Variants in MCM5 observed in about 807,000 individuals in gnomAD.
MCM5 encodes DNA replication licensing factor MCM5.
A neutral mutation model predicts 79.9 loss-of-function variants in MCM5; 46 were observed. The observed-to-expected ratio is 0.58, with a 90% CI of 0.45 to 0.74. The LOEUF (loss-of-function observed/expected upper bound fraction) is 0.74. Ranked by LOEUF, MCM5 falls within the 30% of genes least tolerant of loss-of-function variation. The probability of loss-of-function intolerance (pLI) is 0.00; values close to 1 mark genes in which losing one functional copy is unlikely to be tolerated. For missense variants in MCM5, 883 were observed against 1,017.0 expected, an observed-to-expected ratio of 0.87 and a Z score of 1.79; for synonymous variants, 404 against 390.5, an observed-to-expected ratio of 1.03 and a Z score of -0.41.
At chr22:35,445,817 T>C in the MCM5 span, among the ~76,000 whole-genome samples, 1 of 152,190 alleles carries the variant, frequency 6.6e-6, no homozygotes, top group Non-Finnish European at 1.5e-5. Flanking sequence ...GGCCCTGCAT[T>C]TGACTATGCT....
intron 4 of MCM5, among the ~76,000 whole-genome samples, chr22:35,405,375 C>CT (rs981457457): frequency 2.1e-4 from 31 of 148,742 alleles, no homozygotes; most frequent in South Asian, 8.6e-4. Flanking sequence ...AGATGAATCT[C>CT]TTTTTTTTTG....
chr22:35,427,286 A>G (rs1454157208), downstream of MCM5, among the ~76,000 whole-genome samples: 1 of 152,220 alleles, frequency 6.6e-6, no homozygotes, highest in Non-Finnish European at 1.5e-5. Context: ...CATACTTCAA[A>G]TATGTTATTT....
At chr22:35,452,447 G>A in the MCM5 span, among the ~76,000 whole-genome samples, 396 of 152,344 alleles carry the variant, frequency 2.6e-3, 8 homozygotes, top group African/African-American at 9.3e-3. Context: ...GCATGGAGCC[G>A]GGCAGGTGCC....
the MCM5 span, among the ~76,000 whole-genome samples, chr22:35,438,250 TCCACCCAC>T: frequency 4.4e-3 from 411 of 94,046 alleles, 12 homozygotes; most frequent in Non-Finnish European, 7.3e-3. Flanking sequence ...CACATATTCA[TCCACCCAC>T]CCACCCACCC....
intron 8 of MCM5, among the ~76,000 whole-genome samples, 183 bp downstream of exon 8, chr22:35,412,864 G>A (rs1414569702): frequency 1.3e-5 from 2 of 151,032 alleles, no homozygotes; most frequent in East Asian, 1.9e-4. Context: ...CTGCGCACCT[G>A]TCTCAGCGAT....
At position 35,412,633 on chromosome 22, in the gene MCM5, A is replaced by T. The variant is rs759399183; in HGVS notation, c.1043A>T (p.Asp348Val). The change falls in exon 8 of 17, where the codon GAC becomes GTC. Residue 348 changes from aspartate to valine, a missense_variant. This residue lies in a region of MCM5 where 455 missense variants were observed against 517.5 expected (regional missense o/e 0.88). Transcript: ENST00000216122. ...GCCCCCTCCATCTTTGGGGGCACAGACATGAAGAAGGCCATTGCCTGCCTG... is the reference window on the plus strand; with the variant it reads ...GCCCCCTCCATCTTTGGGGGCACAGTCATGAAGAAGGCCATTGCCTGCCTG... ...SIAPSIFGGTDMKKAIACLLF... is the reference protein window; with the variant it reads ...SIAPSIFGGTVMKKAIACLLF... 6 of 1,556,920 alleles carry T rather than the reference A, an allele frequency of 3.9e-6. No individual in the cohort carries two copies. The highest frequency in any genetic ancestry group is 1.4e-5 in the African/African-American group (1 of 72,586).
chr22:35,438,379 T>TCATC, the MCM5 span, among the ~76,000 whole-genome samples: 38 of 110,126 alleles, frequency 3.5e-4, no homozygotes, highest in Admixed American at 2.7e-3. Flanking sequence ...ATCCATCCAT[T>TCATC]CATCCATCCA....
At chr22:35,451,094 C>T in the MCM5 span, among the ~76,000 whole-genome samples, 1 of 152,184 alleles carries the variant, frequency 6.6e-6, no homozygotes, top group Admixed American at 6.5e-5. Context: ...AAATGGTGTT[C>T]ACCTCACCCA....
chr22:35,415,334 G>A (rs1395880468), intron 9 of MCM5, among the ~76,000 whole-genome samples: 3 of 152,222 alleles, frequency 2.0e-5, no homozygotes, highest in African/African-American at 7.2e-5. Context: ...GGAGCTCTGA[G>A]TCTTTGAAAT....
chr22:35,442,567 C>T, the MCM5 span, among the ~76,000 whole-genome samples: 1 of 152,158 alleles, frequency 6.6e-6, no homozygotes, highest in Non-Finnish European at 1.5e-5. Flanking sequence ...CCAGAGGCTG[C>T]CACATTGCTT....
chr22:35,416,409 G>A lies in MCM5; in HGVS notation c.1413+5G>A, dbSNP rs752651270. 11 of 1,612,148 alleles carry A rather than the reference G, an allele frequency of 6.8e-6. No homozygotes were observed. Among genetic ancestry groups the A allele is most frequent in the Admixed American group, 1.7e-5 (1 of 59,964 alleles). On this transcript the variant is annotated splice_donor_5th_base_variant and intron_variant, in intron 11 of 16. Transcript: ENST00000216122. ...CAGACCATCTCTATCGCCAAGGTGA[G>A]TGGCCCTCCATGGAGAGCCCAGCCT... is the stretch of plus-strand genomic sequence containing the variant.
downstream of MCM5, among the ~76,000 whole-genome samples, chr22:35,428,616 T>C (rs1932792567): frequency 6.6e-6 from 1 of 152,110 alleles, no homozygotes; most frequent in Non-Finnish European, 1.5e-5. Context: ...CTACACACAT[T>C]GGCTTGCTCT....
At chr22:35,428,969 CCTTTTT>C (rs1932794773), downstream of MCM5, among the ~76,000 whole-genome samples, 5 of 110,592 alleles carry the variant, frequency 4.5e-5, no homozygotes, top group Admixed American at 4.7e-4. Context: ...TTTTCTTTGA[CCTTTTT>C]TTTTTTTTTT....
chr22:35,411,151 A>G (rs1321691597), intron 7 of MCM5: 3 of 355,180 alleles, frequency 8.4e-6, no homozygotes, highest in Non-Finnish European at 1.5e-5. Flanking sequence ...ACTGAGGTCA[A>G]ATCACTGGGG....
At position 35,424,312 on chromosome 22, in the gene MCM5, G is replaced by A; in HGVS notation, c.*57G>A. The stretch of plus-strand genomic sequence containing the variant: ...CCCACGCCTCGCCCCTCCTGCCGCT[G>A]CCTGCCATTGACAATGTTGCTGGGA... On this transcript the variant is annotated 3_prime_UTR_variant, in exon 17 of 17. Coordinates refer to ENST00000216122, the MANE Select transcript of MCM5 (RefSeq NM_006739.4). 1 of 1,275,966 alleles carries A rather than the reference G, an allele frequency of 7.8e-7. No individual in the cohort carries two copies. The highest frequency in any genetic ancestry group is 1.1e-6 in the Non-Finnish European group (1 of 918,554). The allele number at this position is 1,275,966 out of a possible 1,614,324, so 79.0% of individuals were successfully genotyped here. A position where few individuals can be genotyped will look rare whatever the true frequency, so the allele number is the denominator to read the frequency against.
chr22:35,406,456 C>T (rs1932217815), intron 4 of MCM5, 97 bp from the exon 5 acceptor site: 1 of 1,168,480 alleles, frequency 8.6e-7, no homozygotes, highest in Non-Finnish European at 1.2e-6. Context: ...GCTCTGTGCC[C>T]ACCTCCTCCA....
At chr22:35,410,468 G>T in intron 6 of MCM5, 2 of 416,986 alleles carry the variant, frequency 4.8e-6, no homozygotes, top group Non-Finnish European at 9.1e-6. Context: ...GTACAAATGA[G>T]TTAGCGAGTT....
chr22:35,405,935 C>T (rs1422520683), intron 4 of MCM5, among the ~76,000 whole-genome samples: 11 of 151,146 alleles, frequency 7.3e-5, no homozygotes, highest in Non-Finnish European at 1.3e-4. Context: ...CGCTTGAACC[C>T]GGGAGGCGGA....
rs1268980504 is a variant in MCM5, at chr22:35,421,360, G to A, written c.1875G>A (p.Lys625=). 2 of 1,613,904 alleles carry A rather than the reference G, an allele frequency of 1.2e-6. No homozygotes were observed. Among genetic ancestry groups the A allele is most frequent in the African/African-American group, 2.7e-5 (2 of 74,938 alleles). Residue 625 remains lysine (K), a synonymous_variant, in exon 15 of 17, where the codon AAG becomes AAA. Coordinates refer to ENST00000216122, the MANE Select transcript of MCM5 (RefSeq NM_006739.4). The part of the protein sequence containing the change: ...AIVRIAEALS[K]MKLQPFATEA... ...TGCGCATCGCGGAAGCCCTCAGCAA[G>A]ATGAAGCTGCAGCCCTTCGCCACAG...
Sources: gnomAD v4.1 joint callset for allele counts (sites outside exome capture counted in the v4.1 genomes callset) on GRCh38, gnomAD v4.1.1 for gene constraint, gnomAD v4.1.1 regional missense constraint, MANE v1.5 for transcripts, NCBI Gene and HGNC (gene_info 2026-07-23, HGNC 2026-07-21) for gene names.